The following FAM20C variants were observed in gnomAD, a reference collection of about 807,000 sequenced individuals.
The protein encoded by FAM20C is FAM20C golgi associated secretory pathway kinase.
A neutral mutation model predicts 51.5 loss-of-function variants in FAM20C; 40 were observed. The observed-to-expected ratio is 0.78, with a 90% CI of 0.60 to 1.01. The LOEUF (loss-of-function observed/expected upper bound fraction) is 1.01, where lower values mean the gene tolerates loss of function less well. Among genes scored for constraint, FAM20C ranks in the 50% least tolerant of loss-of-function variants. The pLI is 0.00. For missense variants in FAM20C, 861 were observed against 844.7 expected, an observed-to-expected ratio of 1.02 and a Z score of -0.24; for synonymous variants, 406 against 380.6, an observed-to-expected ratio of 1.07 and a Z score of -0.78.
chr7:259,924 C>T lies in FAM20C; in HGVS notation c.1699C>T (p.His567Tyr), dbSNP rs369608827. 6.5e-7 allele frequency: 1 copy of T among 1,533,692 alleles called. No homozygotes were observed. The highest frequency in any genetic ancestry group is 1.4e-5 in the African/African-American group (1 of 73,024). The change falls in exon 10 of 10, where the codon CAC becomes TAC. Residue 567 changes from histidine to tyrosine, a missense_variant. Physicochemically the swap from His to Tyr is moderately conservative, Grantham distance 83. Transcript: ENST00000313766. Reference protein sequence around the residue: ...VRDCVERNGLHSVVDDDLDTE... With the variant: ...VRDCVERNGLYSVVDDDLDTE... ...GGACTGCGTGGAGAGGAACGGGCTC[C>T]ACAGCGTGGTGGATGACGACCTGGA...
chr7:195,632 G>C lies in FAM20C; in HGVS notation c.684G>C (p.Lys228Asn), dbSNP rs983478775. The C allele has an allele frequency of 6.2e-7, 1 of 1,610,676 alleles. No homozygotes were observed. The highest frequency in any genetic ancestry group is 8.5e-7 in the Non-Finnish European group (1 of 1,178,620). ...TGGACTCCTATCCCAACTGGCTCAA[G>C]TTCCACATTGGTATCAACCGGTACG... ...AAVDSYPNWL[K>N]FHIGINRYEL... The change falls in exon 2 of 10, where the codon AAG becomes AAC. Residue 228 changes from lysine to asparagine, a missense_variant. By Grantham distance (94) the Lys-to-Asn change is moderately conservative. Around this residue, in one of 3 missense-constraint regions of FAM20C, gnomAD observed 561 missense variants for 499.8 expected, o/e 1.12. Coordinates refer to ENST00000313766, the MANE Select transcript of FAM20C (RefSeq NM_020223.4).
chr7:260,518 G>A lies in FAM20C; in HGVS notation c.*538G>A, dbSNP rs1788836579. The A allele has an allele frequency of 6.6e-6, 1 of 152,446 alleles. No homozygotes were observed. The highest frequency in any genetic ancestry group is 2.4e-5 in the African/African-American group (1 of 41,474). The allele number at this position is 152,446 out of a possible 1,614,324, so 9.4% of individuals were successfully genotyped here. A position where few individuals can be genotyped will look rare whatever the true frequency, so the allele number is the denominator to read the frequency against. ...GGAGGAGGCTCTCGCTGGACGTCTG[G>A]CCTGTGCGCTGGTGGACGGATGCCT... On this transcript the variant is annotated 3_prime_UTR_variant, in exon 10 of 10. Coordinates refer to ENST00000313766, the MANE Select transcript of FAM20C (RefSeq NM_020223.4).
At chr7:237,381 T>C (rs1787878399) in intron 3 of FAM20C, among the ~76,000 whole-genome samples, 1 of 152,210 alleles carries the variant, frequency 6.6e-6, no homozygotes, top group African/African-American at 2.4e-5. Context: ...GTTGTCACTG[T>C]ACCTCAGGTG....
In FAM20C at chr7:259,759, C is replaced by T. The variant is rs1327888990; in HGVS notation, c.1534C>T (p.Gln512Ter). Residue 512 changes from glutamine (Q) to a stop codon, truncating the protein, a stop_gained, in exon 10 of 10, where the codon CAG becomes TAG. Transcript: ENST00000313766. LOFTEE classifies it low-confidence loss of function (END_TRUNC). ...CCGGAAGTCCACCTACCTGCGTCTG[C>T]AGCTCCTGGCCAAGGAGGAGTACAA... ...RIRKSTYLRL[Q>*]LLAKEEYKLS... is the part of the protein sequence containing the mutation. The T allele has an allele frequency of 1.3e-6, 2 of 1,536,256 alleles. No homozygotes were observed. The highest frequency in any genetic ancestry group is 1.4e-5 in the African/African-American group (1 of 73,046).
At chr7:229,912 G>A (rs964011239) in intron 3 of FAM20C, among the ~76,000 whole-genome samples, 10 of 152,064 alleles carry the variant, frequency 6.6e-5, no homozygotes, top group Non-Finnish European at 8.8e-5. Context: ...GAAAGTGTCT[G>A]TCTTATCTAG....
At chr7:232,773 C>T (rs1219833851) in intron 3 of FAM20C, among the ~76,000 whole-genome samples, 6 of 152,344 alleles carry the variant, frequency 3.9e-5, no homozygotes, top group East Asian at 1.9e-4. Flanking sequence ...GCCCCTCGGC[C>T]GTGCCGGGAT....
At chr7:256,610 C>T (rs1331679048) in intron 6 of FAM20C, 44 bp from the exon 7 acceptor site, 1 of 1,485,302 alleles carries the variant, frequency 6.7e-7, no homozygotes, top group Non-Finnish European at 9.1e-7. Context: ...CCGGGCTCCC[C>T]AGAATCTGGC....
chr7:231,505 C>T (rs577210136), intron 3 of FAM20C, among the ~76,000 whole-genome samples: 1 of 150,544 alleles, frequency 6.6e-6, no homozygotes, highest in Non-Finnish European at 1.5e-5. Context: ...CGTCGAGGGC[C>T]CCGTGGGAGG....
At chr7:220,521 G>A (rs538752433) in intron 3 of FAM20C, among the ~76,000 whole-genome samples, 6 of 152,344 alleles carry the variant, frequency 3.9e-5, no homozygotes, top group South Asian at 2.1e-4. Flanking sequence ...TGAAGGGGGC[G>A]TTGTTCCACT....
At chr7:214,533 C>T (rs545612233) in intron 3 of FAM20C, among the ~76,000 whole-genome samples, 3 of 152,300 alleles carry the variant, frequency 2.0e-5, no homozygotes, top group African/African-American at 7.2e-5. Flanking sequence ...GCACGGTCAG[C>T]GGAACGGTGC....
chr7:214,151 C>A (rs1473057210), intron 3 of FAM20C, among the ~76,000 whole-genome samples: 1 of 152,098 alleles, frequency 6.6e-6, no homozygotes, highest in Non-Finnish European at 1.5e-5. Context: ...CATGGTGAAA[C>A]CCCGTCTCTA....
intron 2 of FAM20C, among the ~76,000 whole-genome samples, chr7:198,888 G>T (rs1182600754): frequency 1.3e-5 from 2 of 152,246 alleles, no homozygotes; most frequent in Non-Finnish European, 2.9e-5. Context: ...CCTCATGAGG[G>T]TCTCAGTCTA....
At chr7:246,168 G>T in intron 3 of FAM20C, 1 of 469,880 alleles carries the variant, frequency 2.1e-6, no homozygotes. Flanking sequence ...CTGCTCTGAG[G>T]GCCCGTCGGC....
chr7:218,030 G>C (rs552167235), intron 3 of FAM20C, among the ~76,000 whole-genome samples: 6 of 152,316 alleles, frequency 3.9e-5, no homozygotes, highest in Admixed American at 2.6e-4. Flanking sequence ...TTAGCAGGAC[G>C]TGTGAGGCCA....
intron 3 of FAM20C, among the ~76,000 whole-genome samples, chr7:214,359 A>G (rs1442169551): frequency 6.6e-6 from 1 of 152,238 alleles, no homozygotes; most frequent in Non-Finnish European, 1.5e-5. Context: ...TTCTAAATAC[A>G]AGACCTTTAC....
Position 255,973 on chromosome 7 carries a change from G to T in FAM20C, c.1197G>T (p.Lys399Asn), listed in dbSNP as rs1788574596. The T allele has an allele frequency of 6.5e-7, 1 of 1,536,212 alleles. No homozygotes were observed. Among genetic ancestry groups the T allele is most frequent in the Non-Finnish European group, 8.7e-7 (1 of 1,146,820 alleles). Residue 399 changes from lysine (K) to asparagine (N), a missense_variant, in exon 6 of 10, where the codon AAG (lysine) becomes AAT (asparagine). Physicochemically the swap from Lys to Asn is moderately conservative, Grantham distance 94. Coordinates refer to ENST00000313766, the MANE Select transcript of FAM20C (RefSeq NM_020223.4). ...TCCTGCCCGACCTGTCCCTGGCCAA[G>T]AGGAAGACCTGGCGGAACCCTTGGC... ...AAFLPDLSLA[K>N]RKTWRNPWRR... is the part of the protein sequence containing the mutation.
intron 3 of FAM20C, among the ~76,000 whole-genome samples, chr7:233,365 G>A (rs892477432): frequency 6.6e-6 from 1 of 152,320 alleles, no homozygotes; most frequent in African/African-American, 2.4e-5. Flanking sequence ...CTTTCCAGCT[G>A]GGACTAAATC....
chr7:200,028 G>A (rs935452984), intron 2 of FAM20C, among the ~76,000 whole-genome samples: 63 of 152,354 alleles, frequency 4.1e-4, no homozygotes, highest in African/African-American at 1.5e-3. Context: ...CTGCCAAAAG[G>A]GGAAGAATGA....
rs11546478 is a variant in FAM20C at position 246,457 on chromosome 7, C to T, written c.906C>T (p.Phe302=). Residue 302 remains phenylalanine (F), a synonymous_variant, in exon 4 of 10, where the codon TTC becomes TTT. Transcript: ENST00000313766. ...AGACACCCCCTGACTTTTTTTATTT[C>T]TCTGACTACGAGAGGCACAATGCGG... The part of the protein sequence containing the change: ...EQETPPDFFY[F]SDYERHNAEI... 5.0e-6 allele frequency: 7 copies of T among 1,392,208 alleles called. No individual in the cohort carries two copies. Among genetic ancestry groups the T allele is most frequent in the African/African-American group, 2.5e-5 (1 of 39,726 alleles). 86.2% of individuals were successfully genotyped at this position (1,392,208 alleles called of 1,614,324 possible). A position where few individuals can be genotyped will look rare whatever the true frequency, so the allele number is the denominator to read the frequency against.
Sources: gnomAD v4.1 joint callset for allele counts (sites outside exome capture counted in the v4.1 genomes callset) on GRCh38, gnomAD v4.1.1 for gene constraint, gnomAD v4.1.1 regional missense constraint, MANE v1.5 for transcripts, NCBI Gene and HGNC (gene_info 2026-07-23, HGNC 2026-07-21) for gene names.